Variants in SBF2 observed in about 807,000 individuals in gnomAD.
SBF2 encodes the protein myotubularin-related protein 13.
A neutral mutation model predicts 225.2 loss-of-function variants in SBF2; 112 were observed. That is an observed-to-expected ratio of 0.50 (90% CI 0.43 to 0.58). The LOEUF (loss-of-function observed/expected upper bound fraction) is 0.58. Among genes scored for constraint, SBF2 ranks in the 20% least tolerant of loss-of-function variants. SBF2 has a pLI of 0.00. For missense variants in SBF2, 1,996 were observed against 2,206.2 expected (o/e 0.90, Z 1.91); for synonymous variants, 763 against 773.3 (o/e 0.99, Z 0.22).
Position 9,780,514 on chromosome 11 carries a change from G to A in SBF2, c.5454C>T (p.Leu1818=). 3 of 1,614,052 alleles carry A rather than the reference G, an allele frequency of 1.9e-6. No homozygotes were observed. The highest frequency in any genetic ancestry group is 2.5e-6 in the Non-Finnish European group (3 of 1,179,908). The change falls in exon 40 of 40, where the codon CTC becomes CTT. Residue 1818 remains leucine (L), a splice_region_variant and synonymous_variant. Transcript: ENST00000256190. ...KHTSDKAFFD[L]KTSKRVYNFC... ...AGTTATACACACGTTTGCTGGTCTTGAGCTACAAAACCAAATGACAGTGAA... is the reference window on the plus strand; with the variant it reads ...AGTTATACACACGTTTGCTGGTCTTAAGCTACAAAACCAAATGACAGTGAA...
chr11:10,087,630 C>T (rs910480759), intron 2 of SBF2, among the ~76,000 whole-genome samples: 8 of 152,068 alleles, frequency 5.3e-5, no homozygotes, highest in Non-Finnish European at 1.2e-4. Context: ...TATTTCATAC[C>T]AAACATATTT....
intron 32 of SBF2, among the ~76,000 whole-genome samples, chr11:9,805,667 G>A (rs564472229): frequency 1.7e-4 from 26 of 152,164 alleles, no homozygotes; most frequent in African/African-American, 6.0e-4. Flanking sequence ...CTGTCTCCCA[G>A]GCTGCAGTGC....
At chr11:9,936,744 T>A (rs191655328) in intron 16 of SBF2, among the ~76,000 whole-genome samples, 47 of 152,292 alleles carry the variant, frequency 3.1e-4, no homozygotes, top group African/African-American at 1.1e-3. Flanking sequence ...TAGGTGGGAA[T>A]TGAACAATGA....
At position 10,294,180 on chromosome 11, in the gene SBF2, G is replaced by C. The variant is rs769216751; in HGVS notation, c.-111C>G. On this transcript the variant is annotated 5_prime_UTR_variant, in exon 1 of 40. Transcript: ENST00000256190. ...TCCCTGCAGCGGCAGTAGCGGCAGC[G>C]GCAGCGCTTCAGCCATGTTTGACAA... 146 of 828,164 alleles carry C rather than the reference G, an allele frequency of 1.8e-4. No individual in the cohort carries two copies. The highest frequency in any genetic ancestry group is 2.0e-4 in the Non-Finnish European group (121 of 615,882). The allele number at this position is 828,164 out of a possible 1,614,324, so 51.3% of individuals were successfully genotyped here. A position where few individuals can be genotyped will look rare whatever the true frequency, so the allele number is the denominator to read the frequency against.
chr11:10,221,686 G>T (rs1475076469), intron 1 of SBF2, among the ~76,000 whole-genome samples: 1 of 151,958 alleles, frequency 6.6e-6, no homozygotes, highest in Non-Finnish European at 1.5e-5. Flanking sequence ...ATAAAAATCA[G>T]CTACCTATAT....
At chr11:9,925,553 G>C (rs960378321) in intron 16 of SBF2, among the ~76,000 whole-genome samples, 6 of 152,204 alleles carry the variant, frequency 3.9e-5, no homozygotes, top group African/African-American at 1.4e-4. Flanking sequence ...TGGGATTATA[G>C]GCGTGAGCCA....
chr11:9,826,737 G>A (rs1361948490), intron 28 of SBF2, among the ~76,000 whole-genome samples: 7 of 149,332 alleles, frequency 4.7e-5, no homozygotes, highest in African/African-American at 1.8e-4. Flanking sequence ...ATATATGTGT[G>A]TGTGTGTGTG....
chr11:9,809,285 G>C (rs973216818), intron 30 of SBF2: 2 of 344,864 alleles, frequency 5.8e-6, no homozygotes, highest in East Asian at 1.3e-4. Flanking sequence ...GGGCAACATA[G>C]TAAGACCCCA....
At chr11:9,976,069 C>CTTTT (rs1425127093) in intron 13 of SBF2, among the ~76,000 whole-genome samples, 13 of 139,678 alleles carry the variant, frequency 9.3e-5, no homozygotes, top group African/African-American at 3.5e-4. Context: ...TCTTCTTCTT[C>CTTTT]TTCTTTTTTT....
chr11:9,937,454 G>A (rs1864970490), intron 16 of SBF2, among the ~76,000 whole-genome samples: 1 of 151,890 alleles, frequency 6.6e-6, no homozygotes, highest in African/African-American at 2.4e-5. Flanking sequence ...CAAGCAAAAT[G>A]GGAACAGAAG....
intron 2 of SBF2, among the ~76,000 whole-genome samples, chr11:10,147,606 ACTG>A (rs1954951954): frequency 6.6e-6 from 1 of 152,122 alleles, no homozygotes; most frequent in Non-Finnish European, 1.5e-5. Context: ...AGGAAAAATA[ACTG>A]CTAGGTACTA....
chr11:10,011,954 C>A (rs753830992), intron 6 of SBF2, among the ~76,000 whole-genome samples: 56 of 152,306 alleles, frequency 3.7e-4, no homozygotes, highest in Non-Finnish European at 4.3e-4. Context: ...CCCCCATATG[C>A]ATCCAATGGA....
In SBF2 at chr11:10,063,268, G is replaced by A. The variant is rs114822502; in HGVS notation, c.142-20287C>T. On this transcript the variant is annotated intron_variant, in intron 2 of 39. Coordinates refer to ENST00000256190, the MANE Select transcript of SBF2 (RefSeq NM_030962.4). The stretch of plus-strand genomic sequence containing the variant: ...GTAATAATATGTACAACAAACCCCC[G>A]ACACATGTTTATCTATGTAACAAAC... Among the ~76,000 whole-genome samples, 912 of 151,078 alleles carry A rather than the reference G, an allele frequency of 6.0e-3. 8 individuals carry two copies. The highest frequency in any genetic ancestry group is 0.021 in the African/African-American group (855 of 41,106).
intron 2 of SBF2, among the ~76,000 whole-genome samples, chr11:10,077,992 C>T (rs904409410): frequency 3.9e-5 from 6 of 152,202 alleles, no homozygotes; most frequent in African/African-American, 1.4e-4. Flanking sequence ...TGAACAGACA[C>T]TTCTCAAAAG....
At position 10,294,028 on chromosome 11, in the gene SBF2, G is replaced by C; in HGVS notation, c.42C>G (p.Asp14Glu). 7.1e-7 allele frequency: 1 copy of C among 1,405,066 alleles called. No individual in the cohort carries two copies. The highest frequency in any genetic ancestry group is 3.1e-5 in the East Asian group (1 of 31,854). The allele number at this position is 1,405,066 out of a possible 1,614,324, so 87.0% of individuals were successfully genotyped here. The change falls in exon 1 of 40, where the codon GAC becomes GAG. Residue 14 changes from aspartate (D) to glutamate (E), a missense_variant. By Grantham distance (45) the Asp-to-Glu change is conservative. Coordinates refer to ENST00000256190, the MANE Select transcript of SBF2 (RefSeq NM_030962.4). ...CCACACCCTTACCTGGCTTCTCGTGGTCATAGCCTACCACGATGAAGTAGT... is the reference window on the plus strand; with the variant it reads ...CCACACCCTTACCTGGCTTCTCGTGCTCATAGCCTACCACGATGAAGTAGT... The part of the protein sequence containing the change: ...LADYFIVVGY[D>E]HEKPGSGEGL...
At chr11:10,246,762 T>C (rs1181684376) in intron 1 of SBF2, among the ~76,000 whole-genome samples, 1 of 152,194 alleles carries the variant, frequency 6.6e-6, no homozygotes, top group Non-Finnish European at 1.5e-5. Flanking sequence ...ACCACTTAAT[T>C]ATAACAAACA....
At chr11:9,916,178 A>C (rs570855495) in intron 16 of SBF2, among the ~76,000 whole-genome samples, 21 of 152,316 alleles carry the variant, frequency 1.4e-4, no homozygotes, top group Admixed American at 1.3e-3. Context: ...ATACTTATAT[A>C]ATCAACTATC....
intron 6 of SBF2, among the ~76,000 whole-genome samples, chr11:10,008,779 C>T (rs1416745617): frequency 6.6e-6 from 1 of 152,228 alleles, no homozygotes; most frequent in Non-Finnish European, 1.5e-5. Flanking sequence ...TACAGTCCAG[C>T]TGGCTCCCAG....
intron 28 of SBF2, among the ~76,000 whole-genome samples, chr11:9,820,307 C>T (rs1285321550): frequency 2.0e-5 from 3 of 152,156 alleles, no homozygotes; most frequent in Admixed American, 2.0e-4. Flanking sequence ...AAATGAAGGG[C>T]ACTGATGGCT....
Sources: allele counts gnomAD v4.1 joint callset (sites outside exome capture counted in the v4.1 genomes callset), GRCh38; gene constraint gnomAD v4.1.1; transcripts MANE v1.5; gene names NCBI Gene and HGNC (gene_info 2026-07-23, HGNC 2026-07-21).